Variants in PCDHA11 observed in about 807,000 individuals in gnomAD.
The protein encoded by PCDHA11 is protocadherin alpha-11.
PCDHA11 carries 61 observed loss-of-function variants against 70.3 expected under a neutral mutation model. That is an observed-to-expected ratio of 0.87 (90% CI 0.71 to 1.07). The LOEUF (loss-of-function observed/expected upper bound fraction) is 1.07. Ranked by LOEUF, PCDHA11 falls within the 50% of genes least tolerant of loss-of-function variation. The probability of loss-of-function intolerance (pLI) is 0.00; values close to 1 mark genes in which losing one functional copy is unlikely to be tolerated. For synonymous variants in PCDHA11, 633 were observed against 555.1 expected, an observed-to-expected ratio of 1.14 and a Z score of -1.97; for missense variants, 1,324 against 1,237.5, an observed-to-expected ratio of 1.07 and a Z score of -1.05.
At chr5:140,929,663 G>A (rs1284467278) in intron 1 of PCDHA11, 1 of 336,002 alleles carries the variant, frequency 3.0e-6, no homozygotes, top group African/African-American at 2.1e-5. Context: ...TATTTAAAGT[G>A]AAGAATGAAA....
intron 1 of PCDHA11, among the ~76,000 whole-genome samples, chr5:140,879,982 T>A (rs1554171120): frequency 1.3e-5 from 2 of 152,226 alleles, no homozygotes; most frequent in Non-Finnish European, 2.9e-5. Context: ...CCTTTCAAGA[T>A]CCTTAACTTA....
chr5:141,010,063 G>C lies in PCDHA11; in HGVS notation c.*126G>C, dbSNP rs1393265789. ...CTCTTAGAGACCTCAGAAATCTGCA[G>C]AAAGTTCCCTGTGTCTGTCTAGAAC... On this transcript the variant is annotated 3_prime_UTR_variant, in exon 4 of 4. Transcript: ENST00000398640. 31 of 1,602,790 alleles carry C rather than the reference G, an allele frequency of 1.9e-5. No individual in the cohort carries two copies. The highest frequency in any genetic ancestry group is 2.6e-5 in the Non-Finnish European group (31 of 1,174,498).
At chr5:140,929,370 C>T in intron 1 of PCDHA11, 1 of 1,515,732 alleles carries the variant, frequency 6.6e-7, no homozygotes, top group Non-Finnish European at 8.8e-7. Flanking sequence ...CCGGAGATGG[C>T]TGCTAGCTGT....
At chr5:140,952,960 T>C (rs1195156838) in intron 1 of PCDHA11, among the ~76,000 whole-genome samples, 3 of 151,932 alleles carry the variant, frequency 2.0e-5, no homozygotes, top group Non-Finnish European at 4.4e-5. Flanking sequence ...GGGGAAGTGA[T>C]ACACACTTTT....
chr5:140,941,224 T>TTTCTTTCTTTCTTTCTTTCTTTCC (rs2092912857), intron 1 of PCDHA11, among the ~76,000 whole-genome samples: 1 of 137,372 alleles, frequency 7.3e-6, no homozygotes, highest in Non-Finnish European at 1.6e-5. Context: ...CCTTTCTTTC[T>TTTCTTTCTTTCTTTCTTTCTTTCC]TTCTTTCTTT....
At chr5:140,884,794 A>G in intron 1 of PCDHA11, 1 of 1,280,100 alleles carries the variant, frequency 7.8e-7, no homozygotes, top group East Asian at 2.6e-5. Flanking sequence ...TTGTTATCGA[A>G]TTTAACAACT....
intron 1 of PCDHA11, chr5:140,966,338 A>C (rs2095992774): frequency 2.5e-6 from 1 of 394,586 alleles, no homozygotes; most frequent in Non-Finnish European, 4.5e-6. Flanking sequence ...CGGCAGGTCC[A>C]GGGTGAAGGA....
intron 3 of PCDHA11, among the ~76,000 whole-genome samples, chr5:140,998,062 C>T (rs2097795439): frequency 6.6e-6 from 1 of 152,176 alleles, no homozygotes; most frequent in African/African-American, 2.4e-5. Flanking sequence ...TCATCATCAA[C>T]AGACTTAGCC....
intron 1 of PCDHA11, chr5:140,881,341 G>C (rs1422783424): frequency 1.5e-5 from 15 of 984,968 alleles, no homozygotes; most frequent in Non-Finnish European, 1.7e-5. Flanking sequence ...ACGCCGATTC[G>C]GGCTACAATG....
chr5:140,908,050 G>A (rs1554193217), intron 1 of PCDHA11, among the ~76,000 whole-genome samples: 1 of 152,120 alleles, frequency 6.6e-6, no homozygotes, highest in African/African-American at 2.4e-5. Context: ...TGCACATCCG[G>A]CCATTTCTCC....
chr5:140,975,890 T>C (rs542825387), intron 1 of PCDHA11, among the ~76,000 whole-genome samples: 1 of 152,310 alleles, frequency 6.6e-6, no homozygotes, highest in South Asian at 2.1e-4. Flanking sequence ...TTTCCACATA[T>C]GGAGTTTTGT....
intron 1 of PCDHA11, chr5:140,875,529 G>A: frequency 1.2e-6 from 2 of 1,614,112 alleles, no homozygotes; most frequent in South Asian, 1.1e-5. Context: ...TCTCGCTTCT[G>A]CTCCTTGCAG....
chr5:140,889,509 C>T (rs2062255316), intron 1 of PCDHA11, among the ~76,000 whole-genome samples: 2 of 152,026 alleles, frequency 1.3e-5, no homozygotes, highest in Admixed American at 6.6e-5. Flanking sequence ...ATTTCCCTTT[C>T]CATTCTTGAT....
rs1486242200 is a variant in PCDHA11, at chr5:140,900,929, A to G, written c.2391+29435A>G. ...CTGTGGTAAGATGATATCTCATTGT[A>G]GTTTTGATTTGCATTTCTCTGATTA... On this transcript the variant is annotated intron_variant, in intron 1 of 3. Coordinates refer to ENST00000398640, the MANE Select transcript of PCDHA11 (RefSeq NM_018902.5). Among the ~76,000 whole-genome samples, 8 of 152,104 alleles carry G rather than the reference A, an allele frequency of 5.3e-5. No individual in the cohort carries two copies. The East Asian group carries it at 1.5e-3, about 29-fold the overall frequency.
intron 3 of PCDHA11, among the ~76,000 whole-genome samples, chr5:141,008,863 C>T (rs902385521): frequency 6.6e-6 from 1 of 152,204 alleles, no homozygotes. Flanking sequence ...CTCTTCCATG[C>T]TGCATCCCAC....
intron 1 of PCDHA11, among the ~76,000 whole-genome samples, chr5:140,897,340 C>A (rs1326802877): frequency 8.1e-6 from 1 of 122,842 alleles, no homozygotes; most frequent in African/African-American, 3.1e-5. Context: ...CCCCTCCCCC[C>A]ACCCCACAAC....
chr5:140,966,699 C>A, intron 1 of PCDHA11: 1 of 1,361,588 alleles, frequency 7.3e-7, no homozygotes, highest in Non-Finnish European at 9.4e-7. Context: ...GGGGCCCGGG[C>A]GTGGGGCACG....
At chr5:140,890,141 C>T (rs573390664) in intron 1 of PCDHA11, among the ~76,000 whole-genome samples, 6 of 152,182 alleles carry the variant, frequency 3.9e-5, no homozygotes, top group African/African-American at 1.4e-4. Context: ...TGAAATTGGC[C>T]ATGGTAGGAG....
intron 3 of PCDHA11, among the ~76,000 whole-genome samples, chr5:141,000,419 A>ATTTT (rs1563652468): frequency 3.0e-4 from 18 of 60,988 alleles, no homozygotes; most frequent in East Asian, 5.4e-4. Context: ...ATATATATAT[A>ATTTT]TATTTTTTTT....
Sources: allele counts gnomAD v4.1 joint callset (sites outside exome capture counted in the v4.1 genomes callset), GRCh38; gene constraint gnomAD v4.1.1; transcripts MANE v1.5; gene names NCBI Gene and HGNC (gene_info 2026-07-23, HGNC 2026-07-21).